Variants in OPCML observed in about 807,000 individuals in gnomAD.
OPCML encodes opioid binding protein/cell adhesion molecule like.
In OPCML, 13 loss-of-function variants were observed where a neutral mutation model predicts 37.8. The observed-to-expected ratio is 0.34, with a 90% CI of 0.22 to 0.55. OPCML has a LOEUF of 0.55. Ranked by LOEUF, OPCML falls within the 20% of genes least tolerant of loss-of-function variation. The probability of loss-of-function intolerance (pLI) is 0.91; values close to 1 mark genes in which losing one functional copy is unlikely to be tolerated. For synonymous variants in OPCML, 176 were observed against 168.8 expected (o/e 1.04, Z -0.33); for missense variants, 341 against 435.6 (o/e 0.78, Z 1.93).
At chr11:133,025,991 A>T (rs1342741345) in intron 1 of OPCML, 1 of 905,146 alleles carries the variant, frequency 1.1e-6, no homozygotes, top group Non-Finnish European at 1.3e-6. Context: ...CACCTTGGCC[A>T]CCAAAGGTGC....
chr11:132,597,762 A>T, intron 3 of OPCML, among the ~76,000 whole-genome samples: 1 of 152,334 alleles, frequency 6.6e-6, no homozygotes, highest in East Asian at 1.9e-4. Flanking sequence ...TTAAATTTAT[A>T]TGTATAGGAT....
intron 3 of OPCML, among the ~76,000 whole-genome samples, chr11:132,540,714 C>G (rs915104190): frequency 2.6e-5 from 4 of 152,160 alleles, no homozygotes; most frequent in Admixed American, 2.6e-4. Flanking sequence ...ATGCCAGGGG[C>G]TGGGTGACAT....
intron 3 of OPCML, among the ~76,000 whole-genome samples, chr11:132,621,405 T>C (rs1939400134): frequency 6.6e-6 from 1 of 152,162 alleles, no homozygotes; most frequent in South Asian, 2.1e-4. Flanking sequence ...CCAACCAGTG[T>C]TTATCATAAG....
rs140017825 is a variant in OPCML, at chr11:133,505,388, G to A, written c.61+26876C>T. On this transcript the variant is annotated intron_variant, in intron 1 of 7. Transcript: ENST00000524381. Reference sequence around the variant, plus strand: ...ACTCTCCATGGGGAGAAAGCCCAGGGGGAACACAGAACCCAGGCTGTTCTG... The same window carrying A: ...ACTCTCCATGGGGAGAAAGCCCAGGAGGAACACAGAACCCAGGCTGTTCTG... 7.9e-5 allele frequency among the ~76,000 whole-genome samples: 12 copies of A among 152,294 alleles called. No homozygotes were observed. The East Asian group carries it at 2.1e-3, about 27-fold the overall frequency.
chr11:133,231,106 G>A (rs2136387110), intron 1 of OPCML, among the ~76,000 whole-genome samples: 1 of 152,286 alleles, frequency 6.6e-6, no homozygotes, highest in African/African-American at 2.4e-5. Flanking sequence ...AGCAATGCAA[G>A]GTCATGAGCT....
intron 1 of OPCML, among the ~76,000 whole-genome samples, chr11:132,980,771 G>C (rs780941404): frequency 3.9e-5 from 6 of 152,162 alleles, no homozygotes; most frequent in Non-Finnish European, 7.3e-5. Context: ...CTAGAACAAC[G>C]GGCCCAAGGG....
intron 1 of OPCML, among the ~76,000 whole-genome samples, chr11:133,114,695 T>C (rs1240390919): frequency 2.1e-5 from 3 of 142,574 alleles, no homozygotes; most frequent in African/African-American, 7.8e-5. Context: ...AATTTGCATC[T>C]AATTCTTTTA....
At chr11:133,080,875 G>A (rs907648315) in intron 1 of OPCML, among the ~76,000 whole-genome samples, 1 of 152,042 alleles carries the variant, frequency 6.6e-6, no homozygotes, top group Admixed American at 6.6e-5. Flanking sequence ...TGTTCTGGAG[G>A]CTGAGATATC....
intron 1 of OPCML, among the ~76,000 whole-genome samples, chr11:133,123,909 T>C (rs1949458021): frequency 6.6e-6 from 1 of 152,176 alleles, no homozygotes; most frequent in African/African-American, 2.4e-5. Context: ...TGGGATATAC[T>C]GAGCGGTCTC....
chr11:133,532,361 A>G lies in OPCML; in HGVS notation c.-37T>C, dbSNP rs1591607309. 1 of 1,606,580 alleles carries G rather than the reference A, an allele frequency of 6.2e-7. No homozygotes were observed. Among genetic ancestry groups the G allele is most frequent in the Non-Finnish European group, 8.5e-7 (1 of 1,176,328 alleles). ...GGTGCTCTCAGCTGCCGGGCTTGCT[A>G]CTGCTTCTGCTGCTGCTACCGCTGC... On this transcript the variant is annotated 5_prime_UTR_variant, in exon 1 of 8. Transcript: ENST00000524381.
intron 3 of OPCML, among the ~76,000 whole-genome samples, chr11:132,603,476 A>G (rs1938065573): frequency 6.6e-6 from 1 of 152,160 alleles, no homozygotes; most frequent in Non-Finnish European, 1.5e-5. Context: ...TATCTCTACC[A>G]TCACTCCTCT....
chr11:132,494,725 G>A (rs977880848), intron 4 of OPCML, among the ~76,000 whole-genome samples: 3 of 152,124 alleles, frequency 2.0e-5, no homozygotes, highest in Non-Finnish European at 4.4e-5. Context: ...CAAACAAATG[G>A]CCTATAATAT....
In OPCML at chr11:132,496,783, T is replaced by C. The variant is rs948534693; in HGVS notation, c.505+32278A>G. On this transcript the variant is annotated intron_variant, in intron 4 of 7. Transcript: ENST00000524381. Reference sequence around the variant, plus strand: ...GTCTCAACCCAATATTACAAAATGCTACCAGGTTGCTCTCAGATAGATATA... The same window carrying C: ...GTCTCAACCCAATATTACAAAATGCCACCAGGTTGCTCTCAGATAGATATA... Among the ~76,000 whole-genome samples, 4 of 152,222 alleles carry C rather than the reference T, an allele frequency of 2.6e-5. No homozygotes were observed. The East Asian group carries it at 7.7e-4, about 29-fold the overall frequency.
At position 132,995,989 on chromosome 11, in the gene OPCML, T is replaced by C. The variant is rs922880419; in HGVS notation, c.62-52979A>G. Among the ~76,000 whole-genome samples, 5 of 152,142 alleles carry C rather than the reference T, an allele frequency of 3.3e-5. No homozygotes were observed. In the South Asian group the frequency reaches 1.0e-3, roughly 32 times the overall value. On this transcript the variant is annotated intron_variant, in intron 1 of 7. Transcript: ENST00000524381. ...CAGCCCCAGCCAAGAGTCTTCTCTT[T>C]AGAGTCCATGGTGGATGGTGATGAG...
chr11:133,462,656 A>T (rs1946883578), intron 1 of OPCML, among the ~76,000 whole-genome samples: 2 of 152,108 alleles, frequency 1.3e-5, no homozygotes, highest in African/African-American at 4.8e-5. Context: ...TTTAATATGG[A>T]TATTATTAAA....
At chr11:133,300,286 C>T (rs1565558076) in intron 1 of OPCML, 2 of 152,120 alleles carry the variant, frequency 1.3e-5, no homozygotes, top group African/African-American at 2.4e-5. Flanking sequence ...AAACCAGCCC[C>T]CTGATGCCAA....
At chr11:133,438,871 G>A (rs1459211543) in intron 1 of OPCML, among the ~76,000 whole-genome samples, 1 of 152,146 alleles carries the variant, frequency 6.6e-6, no homozygotes, top group Non-Finnish European at 1.5e-5. Context: ...AGTATTAATA[G>A]GTTCAGAGTG....
intron 3 of OPCML, among the ~76,000 whole-genome samples, chr11:132,547,652 A>T (rs960242960): frequency 1.3e-5 from 2 of 152,080 alleles, no homozygotes; most frequent in Admixed American, 6.6e-5. Context: ...CACTCATTTT[A>T]TTGGAAGTTA....
At chr11:132,474,635 C>T (rs960981371) in intron 4 of OPCML, among the ~76,000 whole-genome samples, 2 of 152,166 alleles carry the variant, frequency 1.3e-5, no homozygotes, top group Non-Finnish European at 2.9e-5. Context: ...TGGCTGGCCA[C>T]TGCGGAAAAC....
Sources: allele counts gnomAD v4.1 joint callset (sites outside exome capture counted in the v4.1 genomes callset), GRCh38; gene constraint gnomAD v4.1.1; transcripts MANE v1.5; gene names NCBI Gene and HGNC (gene_info 2026-07-23, HGNC 2026-07-21).